Variants in CDC23 observed in about 807,000 individuals in gnomAD.
CDC23 encodes the protein cell division cycle protein 23 homolog.
A neutral mutation model predicts 81.7 loss-of-function variants in CDC23; 26 were observed. The observed-to-expected ratio is 0.32, with a 90% CI of 0.23 to 0.44. The LOEUF is 0.44. Ranked by LOEUF, CDC23 falls within the 20% of genes least tolerant of loss-of-function variation. The pLI, the probability that CDC23 is intolerant of heterozygous loss-of-function variation, is 1.00. For synonymous variants in CDC23, 267 were observed against 270.8 expected (o/e 0.99, Z 0.14); for missense variants, 519 against 728.0 (o/e 0.71, Z 3.30).
chr5:138,198,127 T>G (rs971379981), intron 9 of CDC23, 72 bp downstream of exon 9: 5 of 1,152,546 alleles, frequency 4.3e-6, no homozygotes, highest in Non-Finnish European at 3.8e-6. Flanking sequence ...CCCTAGCTAA[T>G]TGTGGTTATT....
At chr5:138,199,072 C>T (rs1220198164) in intron 6 of CDC23, among the ~76,000 whole-genome samples, 1 of 152,076 alleles carries the variant, frequency 6.6e-6, no homozygotes, top group Admixed American at 6.6e-5. Flanking sequence ...AGACAATAGT[C>T]TAGACACGGG....
At chr5:138,191,133 G>A (rs1754822341) in intron 13 of CDC23, among the ~76,000 whole-genome samples, 1 of 151,608 alleles carries the variant, frequency 6.6e-6, no homozygotes, top group Non-Finnish European at 1.5e-5. Flanking sequence ...TTTTTATTTT[G>A]AGATGGAGTT....
At chr5:138,205,254 A>G (rs1448299579) in intron 3 of CDC23, among the ~76,000 whole-genome samples, 1 of 152,236 alleles carries the variant, frequency 6.6e-6, no homozygotes, top group Admixed American at 6.5e-5. Context: ...ATTGTATGTG[A>G]AAGATTAACT....
At chr5:138,192,928 CTCTT>C (rs1157954169) in intron 9 of CDC23, among the ~76,000 whole-genome samples, 4 of 152,048 alleles carry the variant, frequency 2.6e-5, no homozygotes, top group African/African-American at 9.7e-5. Flanking sequence ...TATACACAGT[CTCTT>C]TCTTTCTTTT....
intron 3 of CDC23, among the ~76,000 whole-genome samples, chr5:138,203,238 C>A (rs529238051): frequency 1.8e-4 from 28 of 152,220 alleles, no homozygotes; most frequent in African/African-American, 6.3e-4. Flanking sequence ...ACAGGGTGAA[C>A]CCTAATGTAA....
intron 13 of CDC23, 96 bp downstream of exon 13, chr5:138,191,378 G>A: frequency 1.0e-5 from 10 of 995,604 alleles, no homozygotes; most frequent in Non-Finnish European, 1.6e-5. Flanking sequence ...CACCTATGTA[G>A]AATGATGGGT....
chr5:138,205,291 C>A (rs1219024355), intron 3 of CDC23, among the ~76,000 whole-genome samples: 1 of 152,110 alleles, frequency 6.6e-6, no homozygotes, highest in Non-Finnish European at 1.5e-5. Flanking sequence ...TTCAAAATAT[C>A]TTTCTTAAAC....
chr5:138,206,970 C>T (rs751736393), intron 2 of CDC23, among the ~76,000 whole-genome samples: 14 of 150,242 alleles, frequency 9.3e-5, no homozygotes, highest in Non-Finnish European at 1.9e-4. Flanking sequence ...ACCTCTGCCT[C>T]CCAGGTTCAA....
chr5:138,201,970 A>G, intron 4 of CDC23, 143 bp downstream of exon 4: 2 of 628,194 alleles, frequency 3.2e-6, no homozygotes, highest in Non-Finnish European at 5.6e-6. Context: ...ATAGCTGGGT[A>G]CAAGGTAGCT....
chr5:138,193,961 A>G (rs1334550057), intron 9 of CDC23, among the ~76,000 whole-genome samples: 1 of 147,334 alleles, frequency 6.8e-6, no homozygotes, highest in Non-Finnish European at 1.5e-5. Context: ...TCCGTCTCCA[A>G]AAAAAAAAAA....
intron 15 of CDC23, 98 bp from the exon 16 acceptor site, chr5:138,189,246 G>T: frequency 8.5e-7 from 1 of 1,171,880 alleles, no homozygotes. Flanking sequence ...AGATCAAGGA[G>T]GCGGGAGGCT....
chr5:138,191,799 A>G, intron 12 of CDC23, 63 bp downstream of exon 12: 1 of 1,301,276 alleles, frequency 7.7e-7, no homozygotes, highest in Non-Finnish European at 1.1e-6. Flanking sequence ...GAGCACAGAT[A>G]GCCCAACCTT....
rs202004340 is a variant in CDC23, at chr5:138,192,505, T to G, written c.1165A>C (p.Arg389=). 7.4e-6 allele frequency: 12 copies of G among 1,613,940 alleles called. No individual in the cohort carries two copies. Among genetic ancestry groups the G allele is most frequent in the Non-Finnish European group, 1.0e-5 (12 of 1,179,994 alleles). The change falls in exon 10 of 16, where the codon AGA becomes CGA. Residue 389 remains arginine (R), a splice_region_variant and synonymous_variant. Transcript: ENST00000394886. ...KNTSAAIQAY[R]HAIEVNKRDY... is the part of the protein sequence containing the mutation. ...ACCTCACCACCTATAGATAATCACCTATAAGCCTGGATAGCAGCAGACGTG... is the reference window on the plus strand; with the variant it reads ...ACCTCACCACCTATAGATAATCACCGATAAGCCTGGATAGCAGCAGACGTG...
chr5:138,205,988 A>G (rs1295326782), intron 3 of CDC23: 2 of 152,408 alleles, frequency 1.3e-5, no homozygotes, highest in Admixed American at 6.5e-5. Flanking sequence ...AATAAGGGAT[A>G]CTCAACCTGT....
chr5:138,199,366 G>A (rs1754960590), intron 6 of CDC23, among the ~76,000 whole-genome samples: 1 of 152,174 alleles, frequency 6.6e-6, no homozygotes, highest in African/African-American at 2.4e-5. Flanking sequence ...GGGAGGCTAT[G>A]GGAAAGGATC....
intron 2 of CDC23, among the ~76,000 whole-genome samples, chr5:138,212,152 A>G (rs1223673868): frequency 6.6e-6 from 1 of 152,100 alleles, no homozygotes; most frequent in African/African-American, 2.4e-5. Context: ...CAATATCCCC[A>G]TTGAGTAGAT....
At chr5:138,203,232 G>A (rs1290792848) in intron 3 of CDC23, among the ~76,000 whole-genome samples, 2 of 152,136 alleles carry the variant, frequency 1.3e-5, no homozygotes, top group Admixed American at 1.3e-4. Flanking sequence ...TACAACACAG[G>A]GTGAACCCTA....
chr5:138,210,679 G>C (rs1755103553), intron 2 of CDC23, among the ~76,000 whole-genome samples: 1 of 152,150 alleles, frequency 6.6e-6, no homozygotes, highest in Non-Finnish European at 1.5e-5. Flanking sequence ...TGGTAAAGAG[G>C]CTGCTGAATC....
intron 3 of CDC23, 40 bp from the exon 4 acceptor site, chr5:138,202,195 A>G: frequency 6.7e-7 from 1 of 1,495,620 alleles, no homozygotes; most frequent in African/African-American, 1.4e-5. Flanking sequence ...TTTTCAGTTT[A>G]TTCTAAAACA....
Sources: gnomAD v4.1 joint callset for allele counts (sites outside exome capture counted in the v4.1 genomes callset) on GRCh38, gnomAD v4.1.1 for gene constraint, MANE v1.5 for transcripts, NCBI Gene and HGNC (gene_info 2026-07-23, HGNC 2026-07-21) for gene names.